Variants in MYCT1 observed in about 807,000 individuals in gnomAD.
MYCT1 encodes MYC target 1, also known as myc target protein 1.
Under a neutral mutation model 15.0 loss-of-function variants are expected in MYCT1, and 12 were observed. The ratio of observed to expected loss-of-function variants is 0.80; its 90% confidence interval spans 0.51 to 1.29. MYCT1 has a LOEUF of 1.29. MYCT1 is among the 50% of genes most tolerant of loss of function. The pLI is 0.00. For synonymous variants in MYCT1, 104 were observed against 102.7 expected (o/e 1.01, Z -0.07); for missense variants, 287 against 279.1 (o/e 1.03, Z -0.20).
At chr6:152,727,468 T>C (rs549520486), downstream of MYCT1, among the ~76,000 whole-genome samples, 7 of 152,332 alleles carry the variant, frequency 4.6e-5, no homozygotes, top group Admixed American at 3.9e-4. Context: ...CCTTGTGTTA[T>C]AGACATTGTG....
chr6:152,727,438 A>C (rs1237437269), downstream of MYCT1, among the ~76,000 whole-genome samples: 3 of 152,206 alleles, frequency 2.0e-5, no homozygotes, highest in Admixed American at 6.5e-5. Flanking sequence ...TGTTGTGGTA[A>C]AATTCTGATC....
At chr6:152,737,592 C>T in the MYCT1 span, among the ~76,000 whole-genome samples, 8 of 152,162 alleles carry the variant, frequency 5.3e-5, no homozygotes, top group Admixed American at 5.2e-4. Flanking sequence ...AAGGAATGTT[C>T]ACTCTCCACT....
At chr6:152,742,070 C>T in the MYCT1 span, among the ~76,000 whole-genome samples, 1 of 152,184 alleles carries the variant, frequency 6.6e-6, no homozygotes, top group Non-Finnish European at 1.5e-5. Context: ...GAAATAGTTA[C>T]TGAGCACCTA....
chr6:152,741,466 T>A, the MYCT1 span, among the ~76,000 whole-genome samples: 1 of 152,106 alleles, frequency 6.6e-6, no homozygotes, highest in African/African-American at 2.4e-5. Context: ...GGGAGCAACT[T>A]ATAATGTACC....
the MYCT1 span, among the ~76,000 whole-genome samples, chr6:152,742,977 T>C: frequency 4.6e-5 from 7 of 152,190 alleles, no homozygotes; most frequent in Admixed American, 2.6e-4. Flanking sequence ...CTCTATCTAA[T>C]ACTTAGGCTC....
chr6:152,715,847 A>G (rs2099723560), intron 1 of MYCT1, among the ~76,000 whole-genome samples: 1 of 152,176 alleles, frequency 6.6e-6, no homozygotes, highest in Admixed American at 6.6e-5. Flanking sequence ...GGGGAAGTGC[A>G]GACAGAGCTC....
chr6:152,744,398 G>T, the MYCT1 span, among the ~76,000 whole-genome samples: 1 of 151,952 alleles, frequency 6.6e-6, no homozygotes, highest in African/African-American at 2.4e-5. Flanking sequence ...AATATTGGGT[G>T]TGGGAATGGG....
chr6:152,728,713 T>C (rs1304253125), downstream of MYCT1, among the ~76,000 whole-genome samples: 1 of 151,968 alleles, frequency 6.6e-6, no homozygotes, highest in African/African-American at 2.4e-5. Context: ...CTGGGCAACA[T>C]AGCAAGACCT....
At chr6:152,734,348 C>T in the MYCT1 span, among the ~76,000 whole-genome samples, 17 of 152,140 alleles carry the variant, frequency 1.1e-4, no homozygotes, top group African/African-American at 3.9e-4. Context: ...TCTGGTTAAG[C>T]GCAAAACTTA....
intron 1 of MYCT1, among the ~76,000 whole-genome samples, chr6:152,706,751 A>T (rs969560349): frequency 6.6e-6 from 1 of 152,088 alleles, no homozygotes; most frequent in Non-Finnish European, 1.5e-5. Context: ...TTTTTGACTT[A>T]TGGTATTTTC....
chr6:152,740,479 G>A, the MYCT1 span, among the ~76,000 whole-genome samples: 2 of 152,106 alleles, frequency 1.3e-5, no homozygotes, highest in African/African-American at 4.8e-5. Context: ...ACTGACAAAA[G>A]AGCCTTAAAT....
At chr6:152,718,470 G>A in intron 1 of MYCT1, among the ~76,000 whole-genome samples, 1 of 151,874 alleles carries the variant, frequency 6.6e-6, no homozygotes, top group Non-Finnish European at 1.5e-5. Flanking sequence ...GCCCAGGCTG[G>A]TCTGGGCTCA....
At chr6:152,703,068 G>A (rs1001650662) in intron 1 of MYCT1, among the ~76,000 whole-genome samples, 5 of 152,140 alleles carry the variant, frequency 3.3e-5, no homozygotes, top group Non-Finnish European at 7.4e-5. Context: ...AGGTATCAAT[G>A]TTATGCAAGC....
At chr6:152,726,140 T>TA (rs755702085), downstream of MYCT1, among the ~76,000 whole-genome samples, 66 of 152,316 alleles carry the variant, frequency 4.3e-4, no homozygotes, top group Middle Eastern at 0.01. Context: ...CTCACGCCTG[T>TA]AATCCCAGCA....
chr6:152,725,692 C>A (rs2099725528), downstream of MYCT1, among the ~76,000 whole-genome samples: 1 of 152,138 alleles, frequency 6.6e-6, no homozygotes, highest in African/African-American at 2.4e-5. Context: ...ACTGGCATTG[C>A]CCTTTTGGAA....
At chr6:152,726,172 A>G (rs2129071400), downstream of MYCT1, among the ~76,000 whole-genome samples, 1 of 152,206 alleles carries the variant, frequency 6.6e-6, no homozygotes, top group African/African-American at 2.4e-5. Context: ...CGAGGCGGGC[A>G]GATCACCTGA....
At chr6:152,713,167 C>A (rs913485949) in intron 1 of MYCT1, among the ~76,000 whole-genome samples, 2 of 151,980 alleles carry the variant, frequency 1.3e-5, no homozygotes, top group African/African-American at 2.4e-5. Flanking sequence ...TCTTTTCTCT[C>A]TCATTTTAAT....
intron 1 of MYCT1, 91 bp from the exon 2 acceptor site, chr6:152,721,651 A>G (rs1348511943): frequency 3.4e-6 from 4 of 1,179,316 alleles, no homozygotes; most frequent in Non-Finnish European, 3.6e-6. Context: ...TTAATCATGT[A>G]TTCTTTGAAT....
intron 1 of MYCT1, among the ~76,000 whole-genome samples, chr6:152,700,186 C>A (rs2099721083): frequency 1.3e-5 from 2 of 152,018 alleles, no homozygotes; most frequent in South Asian, 4.1e-4. Context: ...ATTTCCATTG[C>A]TTTTGTGTAT....
Sources: allele counts gnomAD v4.1 joint callset (sites outside exome capture counted in the v4.1 genomes callset), GRCh38; gene constraint gnomAD v4.1.1; transcripts MANE v1.5; gene names NCBI Gene and HGNC (gene_info 2026-07-23, HGNC 2026-07-21).